CDK5RAP2: variants seen among roughly 807,000 people sequenced by gnomAD.
CDK5RAP2 encodes the protein CDK5 regulatory subunit-associated protein 2.
Under a neutral mutation model 232.9 loss-of-function variants are expected in CDK5RAP2, and 147 were observed. The ratio of observed to expected loss-of-function variants is 0.63; its 90% CI spans 0.55 to 0.72. CDK5RAP2 has a LOEUF of 0.72. CDK5RAP2 is among the 30% of genes least tolerant of loss of function. CDK5RAP2 has a pLI of 0.00. For missense variants in CDK5RAP2, 2,195 were observed against 2,231.5 expected (o/e 0.98, Z 0.33); for synonymous variants, 833 against 833.7 (o/e 1.00, Z 0.01).
intron 22 of CDK5RAP2, among the ~76,000 whole-genome samples, chr9:120,445,212 A>G (rs192267014): frequency 1.3e-5 from 2 of 152,286 alleles, no homozygotes; most frequent in East Asian, 3.9e-4. Flanking sequence ...TAGCTCTCAT[A>G]TCATGGGCCC....
chr9:120,558,429 A>G (rs1015321953), intron 3 of CDK5RAP2, among the ~76,000 whole-genome samples: 2 of 149,630 alleles, frequency 1.3e-5, no homozygotes, highest in African/African-American at 2.4e-5. Flanking sequence ...GTGATGTAAC[A>G]AGAGCCCCCT....
chr9:120,448,223 G>C (rs1325263790), intron 21 of CDK5RAP2, 97 bp from the exon 22 acceptor site: 1 of 1,038,058 alleles, frequency 9.6e-7, no homozygotes. Flanking sequence ...AACGGAATTC[G>C]AACTGGCTGC....
chr9:120,521,649 T>G (rs990123059), intron 11 of CDK5RAP2, among the ~76,000 whole-genome samples: 1 of 144,662 alleles, frequency 6.9e-6, no homozygotes, highest in Non-Finnish European at 1.5e-5. Context: ...TTTTTCTTTT[T>G]TTTTTTTTTT....
intron 8 of CDK5RAP2, among the ~76,000 whole-genome samples, chr9:120,529,528 T>C (rs2041053321): frequency 6.6e-6 from 1 of 152,184 alleles, no homozygotes; most frequent in Non-Finnish European, 1.5e-5. Flanking sequence ...AACGAGATGG[T>C]ATACTGAACC....
intron 1 of CDK5RAP2, 33 bp from the exon 2 acceptor site, chr9:120,572,074 T>G: frequency 6.6e-7 from 1 of 1,512,624 alleles, no homozygotes; most frequent in Non-Finnish European, 9.2e-7. Context: ...AGAGATGAGC[T>G]AATGTTTGAA....
At chr9:120,415,672 G>T (rs772330318) in intron 27 of CDK5RAP2, among the ~76,000 whole-genome samples, 1 of 152,214 alleles carries the variant, frequency 6.6e-6, no homozygotes, top group Non-Finnish European at 1.5e-5. Context: ...TAAGAAAAGT[G>T]ATCTCAACAG....
intron 34 of CDK5RAP2, among the ~76,000 whole-genome samples, chr9:120,401,610 CAAAAA>C (rs142588120): frequency 3.3e-5 from 2 of 61,530 alleles, no homozygotes; most frequent in African/African-American, 1.2e-4. Flanking sequence ...GACCCTGTCT[CAAAAA>C]AAAAAAAAAA....
Position 120,579,924 on chromosome 9 carries a change from A to G in CDK5RAP2, c.55T>C (p.Cys19Arg), listed in dbSNP as rs143766657. The G allele has an allele frequency of 1.0e-4, 169 of 1,612,742 alleles. 1 individual carries two copies. The African/African-American group carries it at 1.9e-3, about 18-fold the overall frequency. The change falls in exon 1 of 38, where the codon TGC becomes CGC. Residue 19 changes from cysteine (C) to arginine (R), a missense_variant. Coordinates refer to ENST00000349780, the MANE Select transcript of CDK5RAP2 (RefSeq NM_018249.6). ...CCACCAATGCCCCGGCCGCACCTGC[A>G]GCCGCTGAGCGTCCCAGGGACGGTG... ...DVTVPGTLSGCSGLVPSVPDD... is the reference protein window; with the variant it reads ...DVTVPGTLSGRSGLVPSVPDD...
At chr9:120,531,891 T>C (rs2041168766) in intron 7 of CDK5RAP2, among the ~76,000 whole-genome samples, 1 of 152,204 alleles carries the variant, frequency 6.6e-6, no homozygotes, top group African/African-American at 2.4e-5. Context: ...GATTGCCCTC[T>C]AGGGGCTCAA....
At chr9:120,528,679 G>A in intron 9 of CDK5RAP2, 65 bp downstream of exon 9, 1 of 1,012,398 alleles carries the variant, frequency 9.9e-7, no homozygotes, top group Non-Finnish European at 1.6e-6. Context: ...GCTGCACTCA[G>A]AATAAAACAA....
intron 12 of CDK5RAP2, among the ~76,000 whole-genome samples, chr9:120,517,162 T>C (rs1345438107): frequency 6.6e-6 from 1 of 152,240 alleles, no homozygotes; most frequent in African/African-American, 2.4e-5. Context: ...TGAACGATAG[T>C]ACAGAAAATC....
chr9:120,472,167 A>C (rs1031773358), intron 15 of CDK5RAP2, among the ~76,000 whole-genome samples: 5 of 152,228 alleles, frequency 3.3e-5, no homozygotes, highest in Non-Finnish European at 7.3e-5. Flanking sequence ...GCTGATATGC[A>C]TTCCTCACTT....
chr9:120,448,199 T>C (rs1218543827), intron 21 of CDK5RAP2, 73 bp from the exon 22 acceptor site: 2 of 1,267,924 alleles, frequency 1.6e-6, no homozygotes, highest in East Asian at 4.6e-5. Flanking sequence ...AACATTCTCA[T>C]GCCAGCCTTA....
intron 1 of CDK5RAP2, among the ~76,000 whole-genome samples, chr9:120,573,940 C>T (rs887182644): frequency 5.3e-5 from 8 of 152,214 alleles, no homozygotes; most frequent in Non-Finnish European, 8.8e-5. Context: ...ATTGGCCAAG[C>T]TCAGCCTAAG....
intron 3 of CDK5RAP2, among the ~76,000 whole-genome samples, chr9:120,561,885 T>G (rs912113011): frequency 1.3e-5 from 2 of 152,226 alleles, no homozygotes; most frequent in African/African-American, 2.4e-5. Flanking sequence ...TGTGCACTGA[T>G]AGACTCAGTG....
At chr9:120,437,642 A>C (rs2035664357) in intron 24 of CDK5RAP2, 115 bp from the exon 25 acceptor site, 1 of 767,426 alleles carries the variant, frequency 1.3e-6, no homozygotes, top group Non-Finnish European at 2.3e-6. Flanking sequence ...CAGCTGTACA[A>C]GTATATATAC....
At chr9:120,541,438 C>A (rs546224017) in intron 5 of CDK5RAP2, among the ~76,000 whole-genome samples, 1 of 152,288 alleles carries the variant, frequency 6.6e-6, no homozygotes, top group Admixed American at 6.5e-5. Context: ...CATCTTTGTG[C>A]TTTACAGTTT....
At chr9:120,516,727 G>A (rs1407081304) in intron 12 of CDK5RAP2, among the ~76,000 whole-genome samples, 1 of 152,070 alleles carries the variant, frequency 6.6e-6, no homozygotes, top group African/African-American at 2.4e-5. Flanking sequence ...TACACAGGAG[G>A]GTGAGGCAGT....
At chr9:120,546,013 A>T (rs565425432) in intron 4 of CDK5RAP2, among the ~76,000 whole-genome samples, 1 of 152,318 alleles carries the variant, frequency 6.6e-6, no homozygotes, top group Admixed American at 6.5e-5. Flanking sequence ...GACTTGGAAC[A>T]ATTATGTAAA....
Sources: allele counts gnomAD v4.1 joint callset (sites outside exome capture counted in the v4.1 genomes callset), GRCh38; gene constraint gnomAD v4.1.1; transcripts MANE v1.5; gene names NCBI Gene and HGNC (gene_info 2026-07-23, HGNC 2026-07-21).